Variants in SCAPER observed in about 807,000 individuals in gnomAD.
The protein encoded by SCAPER is S phase cyclin A-associated protein in the endoplasmic reticulum.
A neutral mutation model predicts 182.2 loss-of-function variants in SCAPER; 98 were observed. The observed-to-expected ratio is 0.54, with a 90% CI of 0.46 to 0.64. The LOEUF (loss-of-function observed/expected upper bound fraction) is 0.64, where lower values mean the gene tolerates loss of function less well. Among genes scored for constraint, SCAPER ranks in the 30% least tolerant of loss-of-function variants. The pLI, the probability that SCAPER is intolerant of heterozygous loss-of-function variation, is 0.00. For missense variants in SCAPER, 1,432 were observed against 1,690.0 expected (o/e 0.85, Z 2.68); for synonymous variants, 605 against 564.6 (o/e 1.07, Z -1.01).
At chr15:76,684,489 T>A (rs1025920753) in intron 20 of SCAPER, among the ~76,000 whole-genome samples, 10 of 151,810 alleles carry the variant, frequency 6.6e-5, no homozygotes, top group Admixed American at 5.9e-4. Flanking sequence ...CCCATAGTAA[T>A]TGAAAATTTA....
Position 76,812,419 on chromosome 15 carries a change from C to T in SCAPER, c.394-7786G>A, listed in dbSNP as rs2066694633. 3.4e-5 allele frequency among the ~76,000 whole-genome samples: 5 copies of T among 146,536 alleles called. No individual in the cohort carries two copies. The South Asian group carries it at 1.1e-3, about 32-fold the overall frequency. On this transcript the variant is annotated intron_variant, in intron 5 of 31. Transcript: ENST00000563290. ...ACAAAAATCACTTGAACCTGGGAGG[C>T]AGAGGGTGCAGTGAGCCACGACTAT... is the stretch of plus-strand genomic sequence containing the variant.
chr15:76,588,957 C>T lies in SCAPER; in HGVS notation c.2712-14673G>A, dbSNP rs147971231. On this transcript the variant is annotated intron_variant, in intron 22 of 31. Transcript: ENST00000563290. ...TGTTCCCTTGATGTAGTACTCTCCA[C>T]CTTTTCCTAGGGATGTGGCTTCCCG... Among the ~76,000 whole-genome samples, 8 of 152,262 alleles carry T rather than the reference C, an allele frequency of 5.3e-5. No homozygotes were observed. In the East Asian group the frequency reaches 1.5e-3, roughly 29 times the overall value.
At chr15:76,727,160 A>T (rs907785957) in intron 17 of SCAPER, among the ~76,000 whole-genome samples, 2 of 152,098 alleles carry the variant, frequency 1.3e-5, no homozygotes, top group Non-Finnish European at 2.9e-5. Context: ...ATGCTCATAA[A>T]TTAAAATATT....
chr15:76,428,895 A>ATATATATATATATATATATATATATAT (rs1432164273), intron 26 of SCAPER, among the ~76,000 whole-genome samples: 5 of 44,878 alleles, frequency 1.1e-4, no homozygotes, highest in African/African-American at 1.9e-4. Context: ...TATATATATA[A>ATATATATATATATATATATATATATAT]ACATCAAAAT....
chr15:76,659,781 T>C (rs1278698664), intron 21 of SCAPER, among the ~76,000 whole-genome samples: 2 of 152,202 alleles, frequency 1.3e-5, no homozygotes, highest in African/African-American at 2.4e-5. Context: ...GGTGAGGGAA[T>C]GCTCATATAT....
At chr15:76,762,630 TTTTTGTC>T (rs936887200) in intron 14 of SCAPER, among the ~76,000 whole-genome samples, 1 of 151,960 alleles carries the variant, frequency 6.6e-6, no homozygotes, top group Non-Finnish European at 1.5e-5. Context: ...CCTTAATACC[TTTTTGTC>T]TTTTAAGTCC....
intron 8 of SCAPER, among the ~76,000 whole-genome samples, chr15:76,784,107 A>C (rs533375431): frequency 2.0e-5 from 3 of 152,350 alleles, no homozygotes; most frequent in African/African-American, 7.2e-5. Flanking sequence ...CCCTGTTTGC[A>C]GATGACATGA....
chr15:76,779,296 T>C (rs1202137200), intron 8 of SCAPER, among the ~76,000 whole-genome samples: 2 of 152,080 alleles, frequency 1.3e-5, no homozygotes, highest in Non-Finnish European at 2.9e-5. Context: ...AGGCATAAAA[T>C]AAACTTCTAC....
chr15:76,657,588 C>CAAAAAAAAAA (rs35243291), intron 21 of SCAPER, among the ~76,000 whole-genome samples: 6 of 129,746 alleles, frequency 4.6e-5, no homozygotes, highest in Admixed American at 7.7e-5. Flanking sequence ...GACACAACAA[C>CAAAAAAAAAA]AAAAAAAAAA....
At chr15:76,844,346 G>A (rs191698900) in intron 4 of SCAPER, among the ~76,000 whole-genome samples, 3 of 150,202 alleles carry the variant, frequency 2.0e-5, no homozygotes, top group Admixed American at 2.0e-4. Context: ...CCCTCTCTGA[G>A]AGGCTCATCG....
At chr15:76,466,456 CTT>C (rs2049657851) in intron 25 of SCAPER, among the ~76,000 whole-genome samples, 1 of 62,054 alleles carries the variant, frequency 1.6e-5, no homozygotes, top group Non-Finnish European at 3.4e-5. Context: ...TTTTCTGTCT[CTT>C]TGTTGATATT....
Position 76,514,956 on chromosome 15 carries a change from A to C in SCAPER, c.2839-9982T>G, listed in dbSNP as rs2042305759. On this transcript the variant is annotated intron_variant, in intron 23 of 31. Transcript: ENST00000563290. ...ACTGCTGGCTTCTTTATATTCCTAT[A>C]ATCTACATAAATATCTATGCTCAGC... Among the ~76,000 whole-genome samples, 3 of 152,308 alleles carry C rather than the reference A, an allele frequency of 2.0e-5. No homozygotes were observed. In the South Asian group the frequency reaches 6.2e-4, roughly 32 times the overall value.
At chr15:76,589,687 C>T (rs1446221036) in intron 22 of SCAPER, among the ~76,000 whole-genome samples, 1 of 152,168 alleles carries the variant, frequency 6.6e-6, no homozygotes, top group Non-Finnish European at 1.5e-5. Context: ...TGCTCTCCCT[C>T]AAGTTCTGGC....
intron 10 of SCAPER, among the ~76,000 whole-genome samples, chr15:76,768,889 A>G (rs1216021048): frequency 2.0e-5 from 3 of 152,148 alleles, no homozygotes; most frequent in African/African-American, 7.2e-5. Flanking sequence ...CGTTCGTGGC[A>G]TCTTTATTCA....
chr15:76,650,212 G>T (rs1033641433), intron 21 of SCAPER, among the ~76,000 whole-genome samples: 9 of 151,990 alleles, frequency 5.9e-5, no homozygotes, highest in Non-Finnish European at 8.8e-5. Flanking sequence ...ATAAATCAAT[G>T]AAGAGACAAA....
chr15:76,719,733 G>A (rs1449829474), intron 17 of SCAPER, among the ~76,000 whole-genome samples: 2 of 151,742 alleles, frequency 1.3e-5, no homozygotes, highest in East Asian at 3.9e-4. Context: ...GTTAATTGTG[G>A]AACCCATTCC....
intron 5 of SCAPER, among the ~76,000 whole-genome samples, chr15:76,832,266 T>C (rs2068551023): frequency 6.6e-6 from 1 of 152,126 alleles, no homozygotes; most frequent in African/African-American, 2.4e-5. Context: ...AAATACAACA[T>C]AGCCATTTTA....
intron 26 of SCAPER, among the ~76,000 whole-genome samples, chr15:76,405,232 G>A (rs1396762242): frequency 6.7e-6 from 1 of 150,166 alleles, no homozygotes; most frequent in African/African-American, 2.5e-5. Context: ...TCCTGCCTCA[G>A]TCTCGCAAGT....
At chr15:76,844,165 T>C (rs527307068) in intron 4 of SCAPER, among the ~76,000 whole-genome samples, 40 of 149,624 alleles carry the variant, frequency 2.7e-4, no homozygotes, top group African/African-American at 9.4e-4. Flanking sequence ...AGACACTCAA[T>C]AGATGACAAA....
Sources: gnomAD v4.1 joint callset for allele counts (sites outside exome capture counted in the v4.1 genomes callset) on GRCh38, gnomAD v4.1.1 for gene constraint, MANE v1.5 for transcripts, NCBI Gene and HGNC (gene_info 2026-07-23, HGNC 2026-07-21) for gene names.